Variants in PLA2G12A observed in about 807,000 individuals in gnomAD.
PLA2G12A encodes the protein group XIIA secretory phospholipase A2.
A neutral mutation model predicts 16.0 loss-of-function variants in PLA2G12A; 11 were observed. The observed-to-expected ratio is 0.69, with a 90% CI of 0.43 to 1.13. The LOEUF is 1.13. Ranked by LOEUF, PLA2G12A falls within the 50% of genes most tolerant of loss-of-function variation. The probability of loss-of-function intolerance (pLI) is 0.00; values close to 1 mark genes in which losing one functional copy is unlikely to be tolerated. For missense variants in PLA2G12A, 214 were observed against 237.3 expected (o/e 0.90, Z 0.65); for synonymous variants, 77 against 93.8 (o/e 0.82, Z 1.03).
intron 3 of PLA2G12A, among the ~76,000 whole-genome samples, chr4:109,714,734 T>G (rs999284904): frequency 2.7e-5 from 4 of 147,870 alleles, no homozygotes; most frequent in Non-Finnish European, 6.0e-5. Flanking sequence ...TAACCCAATT[T>G]TTTTTTTTTT....
At chr4:109,718,852 A>G in intron 1 of PLA2G12A, 93 bp from the exon 2 acceptor site, 1 of 769,930 alleles carries the variant, frequency 1.3e-6, no homozygotes, top group Non-Finnish European at 2.1e-6. Flanking sequence ...TAGCCTTAGA[A>G]ATATGTAATA....
At chr4:109,721,319 C>CTTT (rs531961276) in intron 1 of PLA2G12A, among the ~76,000 whole-genome samples, 15 of 136,610 alleles carry the variant, frequency 1.1e-4, no homozygotes, top group Admixed American at 2.2e-4. Flanking sequence ...GTCCTTCATT[C>CTTT]TTTTTTTTTT....
rs1387059268 is a variant in PLA2G12A at position 109,729,771 on chromosome 4, G to C, written c.39C>G (p.Leu13=). 4.5e-6 allele frequency: 7 copies of C among 1,568,950 alleles called. No individual in the cohort carries two copies. Among genetic ancestry groups the C allele is most frequent in the South Asian group, 2.3e-5 (2 of 86,126 alleles). ...ACCTGACAACAGCGGCCATGAGGAG[G>C]AGCAGGAGGGTGAGCGCGGGGCGCG... is the stretch of plus-strand genomic sequence containing the variant. ...LLSRPALTLL[L]LLMAAVVRCQ... The change falls in exon 1 of 4, where the codon CTC becomes CTG. Residue 13 remains leucine, a synonymous_variant. Coordinates refer to ENST00000243501, the MANE Select transcript of PLA2G12A (RefSeq NM_030821.5).
rs979310650 is a variant in PLA2G12A, at chr4:109,717,666, G to A, written c.333C>T (p.Asp111=). 1.9e-6 allele frequency: 3 copies of A among 1,613,972 alleles called. No homozygotes were observed. The highest frequency in any genetic ancestry group is 2.5e-6 in the Non-Finnish European group (3 of 1,179,838). Residue 111 remains aspartate (D), a synonymous_variant, in exon 3 of 4, where the codon GAC becomes GAT. Transcript: ENST00000243501. ...PSLTKCCNQH[D]RCYETCGKSK... ...TTTTGCCACAGGTCTCATAGCACCT[G>A]TCGTGTTGGTTGCAACACTTTGTCA... is the stretch of plus-strand genomic sequence containing the variant.
At chr4:109,715,269 A>C (rs1329159727) in intron 3 of PLA2G12A, among the ~76,000 whole-genome samples, 2 of 152,246 alleles carry the variant, frequency 1.3e-5, no homozygotes, top group East Asian at 3.8e-4. Context: ...TGCGGAAGAA[A>C]CAAAGTTTAA....
chr4:109,712,745 C>T lies in PLA2G12A; in HGVS notation c.*1632G>A, dbSNP rs889546306. ...TCCTGACCTCAAGTGATCCAACCGC[C>T]TCAGCCTCCCAAAGTGCTGGGATTA... On this transcript the variant is annotated 3_prime_UTR_variant, in exon 4 of 4. Transcript: ENST00000243501. 6.6e-6 allele frequency: 1 copy of T among 152,198 alleles called. No individual in the cohort carries two copies. Among genetic ancestry groups the T allele is most frequent in the Non-Finnish European group, 1.5e-5 (1 of 68,048 alleles). The allele number at this position is 152,198 out of a possible 1,614,324, so 9.4% of individuals were successfully genotyped here.
intron 1 of PLA2G12A, among the ~76,000 whole-genome samples, chr4:109,726,417 A>C (rs1300901217): frequency 1.3e-5 from 2 of 152,176 alleles, no homozygotes; most frequent in African/African-American, 4.8e-5. Context: ...CTAAGCCATC[A>C]GCAAATCTTT....
rs1435130861 is a variant in PLA2G12A at position 109,712,461 on chromosome 4, G to A, written c.*1916C>T. ...AACAAAATCCATGAATTCATTGTAAGTGTAAAGTTACCTGGACAAATATTT... is the reference window on the plus strand; with the variant it reads ...AACAAAATCCATGAATTCATTGTAAATGTAAAGTTACCTGGACAAATATTT... On this transcript the variant is annotated 3_prime_UTR_variant, in exon 4 of 4. Coordinates refer to ENST00000243501, the MANE Select transcript of PLA2G12A (RefSeq NM_030821.5). 6.6e-6 allele frequency: 1 copy of A among 152,088 alleles called. No homozygotes were observed. The highest frequency in any genetic ancestry group is 1.5e-5 in the Non-Finnish European group (1 of 68,018). The allele number at this position is 152,088 out of a possible 1,614,324, so 9.4% of individuals were successfully genotyped here.
At chr4:109,727,284 T>C (rs999934390) in intron 1 of PLA2G12A, among the ~76,000 whole-genome samples, 1 of 152,044 alleles carries the variant, frequency 6.6e-6, no homozygotes, top group Non-Finnish European at 1.5e-5. Context: ...CTAATTTTTG[T>C]ATTTTTAGTA....
intron 2 of PLA2G12A, 124 bp downstream of exon 2, chr4:109,718,559 C>T: frequency 1.4e-6 from 1 of 691,486 alleles, no homozygotes; most frequent in Admixed American, 3.6e-5. Flanking sequence ...TCTAATAAAC[C>T]TGATCACTCT....
chr4:109,726,738 G>C (rs144621426), intron 1 of PLA2G12A, among the ~76,000 whole-genome samples: 3 of 152,172 alleles, frequency 2.0e-5, no homozygotes, highest in East Asian at 3.9e-4. Context: ...TGCTGTCAGG[G>C]AGAAAAAAGT....
intron 3 of PLA2G12A, 93 bp from the exon 4 acceptor site, chr4:109,714,588 C>T (rs960693637): frequency 8.7e-6 from 7 of 806,760 alleles, no homozygotes; most frequent in South Asian, 7.3e-5. Flanking sequence ...GCATATCCCT[C>T]GTGAGCACTG....
intron 1 of PLA2G12A, among the ~76,000 whole-genome samples, chr4:109,721,629 A>G (rs1730946449): frequency 6.6e-6 from 1 of 152,064 alleles, no homozygotes; most frequent in African/African-American, 2.4e-5. Context: ...CCAGTCCTTC[A>G]TTCCTAAGAA....
At chr4:109,717,473 C>A in intron 3 of PLA2G12A, 75 bp downstream of exon 3, 1 of 1,432,042 alleles carries the variant, frequency 7.0e-7, no homozygotes, top group East Asian at 2.3e-5. Context: ...ATTGGTAAAT[C>A]CTATACTAAA....
At chr4:109,714,761 G>T (rs1730797355) in intron 3 of PLA2G12A, among the ~76,000 whole-genome samples, 2 of 145,848 alleles carry the variant, frequency 1.4e-5, no homozygotes, top group African/African-American at 2.6e-5. Flanking sequence ...TTGAGACAGG[G>T]TCTCACTCTG....
At chr4:109,715,195 T>A (rs1302781140) in intron 3 of PLA2G12A, among the ~76,000 whole-genome samples, 1 of 152,224 alleles carries the variant, frequency 6.6e-6, no homozygotes, top group Non-Finnish European at 1.5e-5. Context: ...TTGAAAAACA[T>A]AATCACTAAC....
chr4:109,715,946 T>C (rs1389433198), intron 3 of PLA2G12A, among the ~76,000 whole-genome samples: 5 of 152,222 alleles, frequency 3.3e-5, no homozygotes, highest in Admixed American at 1.3e-4. Context: ...AAAATATTCA[T>C]GTTAAGGAAG....
intron 1 of PLA2G12A, among the ~76,000 whole-genome samples, chr4:109,720,645 GA>G (rs1157752282): frequency 1.3e-5 from 1 of 75,010 alleles, no homozygotes; most frequent in African/African-American, 4.8e-5. Context: ...ATATATATAT[GA>G]ATTTTAAAAA....
At position 109,713,001 on chromosome 4, in the gene PLA2G12A, CAA is replaced by C. The variant is rs1730762777; in HGVS notation, c.*1374_*1375del. ...TAGGTTCCCGGCAATGACATATCTCCAAAGTTAGGAACATGGCCCTTTCTCCA... is the reference window on the plus strand; with the variant it reads ...TAGGTTCCCGGCAATGACATATCTCCAGTTAGGAACATGGCCCTTTCTCCA... On this transcript the variant is annotated 3_prime_UTR_variant, in exon 4 of 4. Transcript: ENST00000243501. 6.6e-6 allele frequency: 1 copy of C among 152,200 alleles called. No homozygotes were observed. The allele number at this position is 152,200 out of a possible 1,614,324, so 9.4% of individuals were successfully genotyped here. A position where few individuals can be genotyped will look rare whatever the true frequency, so the allele number is the denominator to read the frequency against.
Sources: allele counts gnomAD v4.1 joint callset (sites outside exome capture counted in the v4.1 genomes callset), GRCh38; gene constraint gnomAD v4.1.1; transcripts MANE v1.5; gene names NCBI Gene and HGNC (gene_info 2026-07-23, HGNC 2026-07-21).